Variants in TUBB6 observed in about 807,000 individuals in gnomAD.
TUBB6 encodes tubulin beta 6 class V, also known as tubulin beta-6 chain.
TUBB6 carries 18 observed loss-of-function variants against 32.3 expected under a neutral mutation model. The ratio of observed to expected loss-of-function variants is 0.56; its 90% confidence interval spans 0.39 to 0.83. The LOEUF (loss-of-function observed/expected upper bound fraction) is 0.83, where lower values mean the gene tolerates loss of function less well. TUBB6 is among the 40% of genes least tolerant of loss of function. The pLI is 0.00. For missense variants in TUBB6, 480 were observed against 632.0 expected, an observed-to-expected ratio of 0.76 and a Z score of 2.58; for synonymous variants, 280 against 265.8, an observed-to-expected ratio of 1.05 and a Z score of -0.52.
In TUBB6 at chr18:12,308,243, T is replaced by G. The variant is rs777606382; in HGVS notation, c.-50T>G. The G allele has an allele frequency of 7.5e-7, 1 of 1,333,954 alleles. No individual in the cohort carries two copies. Among genetic ancestry groups the G allele is most frequent in the East Asian group, 3.6e-5 (1 of 27,862 alleles). The allele number at this position is 1,333,954 out of a possible 1,614,324, so 82.6% of individuals were successfully genotyped here. ...CGGGACGCGCGCAGCCGGCCCGCAG[T>G]TGCCGCTGTCGTCCGCAGAGCCAGT... On this transcript the variant is annotated 5_prime_UTR_variant, in exon 1 of 4. Transcript: ENST00000317702.
chr18:12,313,480 A>G (rs1906505598), intron 3 of TUBB6, among the ~76,000 whole-genome samples: 1 of 152,216 alleles, frequency 6.6e-6, no homozygotes, highest in East Asian at 1.9e-4. Flanking sequence ...CCAGGACACT[A>G]GACTTTGAGT....
intron 1 of TUBB6, 49 bp downstream of exon 1, chr18:12,308,398 GC>G (rs771419896): frequency 2.3e-6 from 3 of 1,295,994 alleles, no homozygotes; most frequent in Non-Finnish European, 2.0e-6. Context: ...CTGCTGGCGG[GC>G]CCCGGGTCTC....
At chr18:12,328,364 T>C (rs896605804), downstream of TUBB6, among the ~76,000 whole-genome samples, 30 of 152,256 alleles carry the variant, frequency 2.0e-4, no homozygotes, top group African/African-American at 7.0e-4. Flanking sequence ...CATGTCCAAA[T>C]AACAGCAATT....
chr18:12,321,706 T>C lies in TUBB6; in HGVS notation c.278-3361T>C, dbSNP rs1170516191. Among the ~76,000 whole-genome samples the C allele has an allele frequency of 5.9e-5, 9 of 152,210 alleles. No homozygotes were observed. In the East Asian group the frequency reaches 1.7e-3, roughly 29 times the overall value. On this transcript the variant is annotated intron_variant, in intron 3 of 3. Coordinates refer to ENST00000317702, the MANE Select transcript of TUBB6 (RefSeq NM_032525.3). ...TGGAGTAAGTGGGGAGAGGTCTGTA[T>C]AATGCAATGCAAGTTTTTATGACTT...
chr18:12,308,634 C>A, intron 1 of TUBB6, 53 bp from the exon 2 acceptor site: 1 of 1,308,728 alleles, frequency 7.6e-7, no homozygotes, highest in Non-Finnish European at 1.1e-6. Context: ...CGGGTGGCGG[C>A]GTCCCGGGCT....
At chr18:12,314,963 C>CT (rs5823207) in intron 3 of TUBB6, among the ~76,000 whole-genome samples, 2,694 of 150,918 alleles carry the variant, frequency 0.018, 67 homozygotes, top group African/African-American at 0.061. Flanking sequence ...TTAAACTTTG[C>CT]TTTTTTTTTT....
chr18:12,321,122 A>T (rs2144156664), intron 3 of TUBB6, among the ~76,000 whole-genome samples: 1 of 152,334 alleles, frequency 6.6e-6, no homozygotes, highest in East Asian at 1.9e-4. Context: ...GTATGTTTAT[A>T]GCCTTTGCCT....
chr18:12,317,097 A>G (rs980843769), intron 3 of TUBB6, among the ~76,000 whole-genome samples: 6 of 150,630 alleles, frequency 4.0e-5, no homozygotes, highest in Non-Finnish European at 8.9e-5. Context: ...CGGAGGTTGC[A>G]GTGAGCCGAG....
At chr18:12,318,925 CAA>C (rs936797226) in intron 3 of TUBB6, among the ~76,000 whole-genome samples, 3 of 151,140 alleles carry the variant, frequency 2.0e-5, no homozygotes, top group Non-Finnish European at 4.4e-5. Context: ...TGGTCTTATA[CAA>C]AAAAAAGTGT....
chr18:12,325,864 C>T lies in TUBB6; in HGVS notation c.1075C>T (p.Arg359Cys), dbSNP rs377110585. 10 of 1,614,080 alleles carry T rather than the reference C, an allele frequency of 6.2e-6. No homozygotes were observed. Among genetic ancestry groups the T allele is most frequent in the African/African-American group, 5.3e-5 (4 of 74,942 alleles). The stretch of plus-strand genomic sequence containing the variant: ...GGTGGCCGTGTGCGACATCCCGCCC[C>T]GCGGCCTGAAGATGGCCTCCACCTT... ...VKVAVCDIPPRGLKMASTFIG... is the reference protein window; with the variant it reads ...VKVAVCDIPPCGLKMASTFIG... Residue 359 changes from arginine (R) to cysteine (C), a missense_variant, in exon 4 of 4, where the codon CGC (arginine) becomes TGC (cysteine). Transcript: ENST00000317702.
In TUBB6 at chr18:12,325,986, G is replaced by T. The variant is rs751667707; in HGVS notation, c.1197G>T (p.Thr399=). 2 of 1,613,968 alleles carry T rather than the reference G, an allele frequency of 1.2e-6. No individual in the cohort carries two copies. The highest frequency in any genetic ancestry group is 2.7e-5 in the African/African-American group (2 of 74,928). ...GCAAGGCCTTCCTGCACTGGTTCAC[G>T]GGTGAGGGCATGGATGAAATGGAGT... ...FRRKAFLHWF[T]GEGMDEMEFT... Residue 399 remains threonine, a synonymous_variant, in exon 4 of 4, where the codon ACG becomes ACT. Transcript: ENST00000317702.
At chr18:12,309,269 C>A (rs866293916) in intron 2 of TUBB6, among the ~76,000 whole-genome samples, 38 of 148,882 alleles carry the variant, frequency 2.6e-4, no homozygotes, top group African/African-American at 8.9e-4. Context: ...TAACTGAGGG[C>A]TTGAGCTCAG....
At position 12,326,292 on chromosome 18, in the gene TUBB6, A is replaced by G; in HGVS notation, c.*162A>G. 1 of 1,120,228 alleles carries G rather than the reference A, an allele frequency of 8.9e-7. No homozygotes were observed. Among genetic ancestry groups the G allele is most frequent in the African/African-American group, 1.6e-5 (1 of 63,634 alleles). 69.4% of individuals were successfully genotyped at this position (1,120,228 alleles called of 1,614,324 possible). A position where few individuals can be genotyped will look rare whatever the true frequency, so the allele number is the denominator to read the frequency against. On this transcript the variant is annotated 3_prime_UTR_variant, in exon 4 of 4. Coordinates refer to ENST00000317702, the MANE Select transcript of TUBB6 (RefSeq NM_032525.3). ...TCATGTAATTAGTCATCTGGAACAAAGACTAAAAACAGCAGAGAATTGCGG... is the reference window on the plus strand; with the variant it reads ...TCATGTAATTAGTCATCTGGAACAAGGACTAAAAACAGCAGAGAATTGCGG...
Position 12,325,185 on chromosome 18 carries a change from C to T in TUBB6, c.396C>T (p.Gly132=). ...KECEHCDCLQ[G]FQLTHSLGGG... ...GCGAGCACTGCGACTGCCTGCAGGGCTTCCAGCTCACGCACTCGCTGGGCG... is the reference window on the plus strand; with the variant it reads ...GCGAGCACTGCGACTGCCTGCAGGGTTTCCAGCTCACGCACTCGCTGGGCG... The change falls in exon 4 of 4, where the codon GGC becomes GGT. Residue 132 remains glycine (G), a synonymous_variant. Coordinates refer to ENST00000317702, the MANE Select transcript of TUBB6 (RefSeq NM_032525.3). 6.2e-7 allele frequency: 1 copy of T among 1,614,064 alleles called. No homozygotes were observed. The highest frequency in any genetic ancestry group is 8.5e-7 in the Non-Finnish European group (1 of 1,179,992).
intron 2 of TUBB6, among the ~76,000 whole-genome samples, chr18:12,309,130 C>T (rs1449612533): frequency 6.6e-6 from 1 of 152,072 alleles, no homozygotes; most frequent in East Asian, 1.9e-4. Context: ...ACTGGAGGAT[C>T]ATTTGGGGCC....
In TUBB6 at chr18:12,308,733, G is replaced by A; in HGVS notation, c.104G>A (p.Gly35Asp). 1 of 1,613,438 alleles carries A rather than the reference G, an allele frequency of 6.2e-7. No homozygotes were observed. The highest frequency in any genetic ancestry group is 8.5e-7 in the Non-Finnish European group (1 of 1,179,564). The stretch of plus-strand genomic sequence containing the variant: ...GAGCACGGCATCGACCCGGCCGGAG[G>A]CTACGTGGGAGACTCGGCGCTGCAG... Reference protein sequence around the residue: ...SDEHGIDPAGGYVGDSALQLE... With the variant: ...SDEHGIDPAGDYVGDSALQLE... The change falls in exon 2 of 4, where the codon GGC becomes GAC. Residue 35 changes from glycine to aspartate, a missense_variant. Coordinates refer to ENST00000317702, the MANE Select transcript of TUBB6 (RefSeq NM_032525.3).
chr18:12,310,473 AGAGC>A (rs1290814483), intron 2 of TUBB6, among the ~76,000 whole-genome samples: 5 of 140,040 alleles, frequency 3.6e-5, no homozygotes, highest in Non-Finnish European at 7.6e-5. Context: ...CCTGGGCAAC[AGAGC>A]GAGACTCCAT....
At chr18:12,308,427 G>A in intron 1 of TUBB6, 78 bp downstream of exon 1, 1 of 1,161,736 alleles carries the variant, frequency 8.6e-7, no homozygotes. Context: ...GACCCCCGCC[G>A]GGGCGCGCAC....
At chr18:12,324,014 A>G (rs1490430731) in intron 3 of TUBB6, among the ~76,000 whole-genome samples, 1 of 152,206 alleles carries the variant, frequency 6.6e-6, no homozygotes. Flanking sequence ...ACATTTTGCA[A>G]CAGTAATTCT....
Sources: gnomAD v4.1 joint callset for allele counts (sites outside exome capture counted in the v4.1 genomes callset) on GRCh38, gnomAD v4.1.1 for gene constraint, MANE v1.5 for transcripts, NCBI Gene and HGNC (gene_info 2026-07-23, HGNC 2026-07-21) for gene names.